Variants in RASGRF2 observed in about 807,000 individuals in gnomAD.
The protein encoded by RASGRF2 is ras-specific guanine nucleotide-releasing factor 2.
Under a neutral mutation model 151.0 loss-of-function variants are expected in RASGRF2, and 76 were observed. The ratio of observed to expected loss-of-function variants is 0.50; its 90% confidence interval spans 0.42 to 0.61. The LOEUF (loss-of-function observed/expected upper bound fraction) is 0.61, where lower values mean the gene tolerates loss of function less well. RASGRF2 is among the 20% of genes least tolerant of loss of function. The probability of loss-of-function intolerance (pLI) is 0.00; values close to 1 mark genes in which losing one functional copy is unlikely to be tolerated. For missense variants in RASGRF2, 1,148 were observed against 1,564.6 expected (o/e 0.73, Z 4.49); for synonymous variants, 504 against 566.5 (o/e 0.89, Z 1.57).
chr5:81,069,779 G>A (rs1751718137), intron 3 of RASGRF2, among the ~76,000 whole-genome samples: 1 of 152,322 alleles, frequency 6.6e-6, no homozygotes, highest in Non-Finnish European at 1.5e-5. Flanking sequence ...GGTATTGCTG[G>A]CTAGTAGGTC....
intron 1 of RASGRF2, among the ~76,000 whole-genome samples, chr5:81,033,731 G>C (rs1361587041): frequency 2.0e-5 from 3 of 152,178 alleles, no homozygotes; most frequent in Non-Finnish European, 2.9e-5. Flanking sequence ...TCAGGACATA[G>C]GCATGGGCAA....
At chr5:81,215,545 C>A (rs1755718447) in intron 23 of RASGRF2, among the ~76,000 whole-genome samples, 1 of 152,110 alleles carries the variant, frequency 6.6e-6, no homozygotes, top group African/African-American at 2.4e-5. Flanking sequence ...TGCTAGGATT[C>A]CAGGTGTGAC....
intron 18 of RASGRF2, among the ~76,000 whole-genome samples, chr5:81,198,929 A>G (rs1410978242): frequency 6.6e-6 from 1 of 152,250 alleles, no homozygotes; most frequent in Non-Finnish European, 1.5e-5. Context: ...GTATATACCC[A>G]GGGATTGCTG....
chr5:81,121,506 G>A (rs571682003), intron 15 of RASGRF2, among the ~76,000 whole-genome samples: 1 of 152,232 alleles, frequency 6.6e-6, no homozygotes, highest in African/African-American at 2.4e-5. Context: ...AAATTTTCTG[G>A]CAGGAGAACG....
chr5:81,172,896 C>T (rs931099860), intron 17 of RASGRF2, among the ~76,000 whole-genome samples: 1 of 152,034 alleles, frequency 6.6e-6, no homozygotes, highest in Non-Finnish European at 1.5e-5. Context: ...AAAGCCTTAC[C>T]CATCTTTTCT....
chr5:81,168,330 A>T lies in RASGRF2; in HGVS notation c.2687-11845A>T, dbSNP rs1196202226. ...TTCTCTTTTTTTTTTTTTTTTTTTA[A>T]GACAGAGTCTGGCTCTGTCGCCCAA... On this transcript the variant is annotated intron_variant, in intron 17 of 26. Transcript: ENST00000265080. Among the ~76,000 whole-genome samples the T allele has an allele frequency of 7.6e-3, 213 of 27,854 alleles. 2 individuals are homozygous for T. Among genetic ancestry groups the T allele is most frequent in the African/African-American group, 0.027 (203 of 7,452 alleles). 18.3% of individuals were successfully genotyped at this position (27,854 alleles called of 152,430 possible). A position where few individuals can be genotyped will look rare whatever the true frequency, so the allele number is the denominator to read the frequency against.
At chr5:81,103,694 A>G (rs1024337369) in intron 12 of RASGRF2, among the ~76,000 whole-genome samples, 2 of 152,028 alleles carry the variant, frequency 1.3e-5, no homozygotes, top group Admixed American at 6.6e-5. Flanking sequence ...AAAAAGAAAA[A>G]TCTCAAAAGG....
intron 1 of RASGRF2, among the ~76,000 whole-genome samples, chr5:80,986,217 A>T (rs1748468327): frequency 6.6e-6 from 1 of 152,224 alleles, no homozygotes; most frequent in African/African-American, 2.4e-5. Context: ...GGGAAATGTC[A>T]CTGGCAATAT....
chr5:81,178,895 C>T (rs1754847124), intron 17 of RASGRF2, among the ~76,000 whole-genome samples: 1 of 152,138 alleles, frequency 6.6e-6, no homozygotes, highest in Non-Finnish European at 1.5e-5. Flanking sequence ...CCCGCCACCA[C>T]GCCTGGCTAA....
chr5:81,055,146 A>G (rs1400029742), intron 2 of RASGRF2, among the ~76,000 whole-genome samples: 1 of 152,222 alleles, frequency 6.6e-6, no homozygotes, highest in Admixed American at 6.5e-5. Context: ...TGCCCTGGCC[A>G]GAACTTCCAA....
At chr5:81,080,886 G>A (rs1752067747) in intron 7 of RASGRF2, 97 bp downstream of exon 7, 7 of 1,121,882 alleles carry the variant, frequency 6.2e-6, no homozygotes, top group Non-Finnish European at 7.7e-6. Flanking sequence ...TGTGCCCTGG[G>A]AGGAATTATG....
rs1009544159 is a variant in RASGRF2 at position 81,084,785 on chromosome 5, G to A, written c.1162-1017G>A. On this transcript the variant is annotated intron_variant, in intron 7 of 26. Transcript: ENST00000265080. ...TGTTGTAGTTTCTTCATTCTCAAAG[G>A]TACTTTCAAGTGCTGAGTGAGACCT... Among the ~76,000 whole-genome samples, 3 of 152,256 alleles carry A rather than the reference G, an allele frequency of 2.0e-5. No individual in the cohort carries two copies. The East Asian group carries it at 5.8e-4, about 29-fold the overall frequency.
At chr5:81,141,128 C>A (rs777337495) in intron 17 of RASGRF2, among the ~76,000 whole-genome samples, 3 of 152,132 alleles carry the variant, frequency 2.0e-5, no homozygotes, top group Non-Finnish European at 4.4e-5. Flanking sequence ...GGCTGTGAGC[C>A]ACCAGTGTGT....
At chr5:81,064,335 A>G (rs948781792) in intron 2 of RASGRF2, among the ~76,000 whole-genome samples, 4 of 152,210 alleles carry the variant, frequency 2.6e-5, no homozygotes, top group African/African-American at 9.6e-5. Context: ...GCAAACCAGC[A>G]AGACAGCAAG....
intron 7 of RASGRF2, among the ~76,000 whole-genome samples, chr5:81,083,463 CCTT>C (rs975168849): frequency 3.3e-5 from 5 of 152,092 alleles, no homozygotes; most frequent in African/African-American, 9.7e-5. Context: ...TTGTCTTCCT[CCTT>C]CTCGGCCCTT....
intron 1 of RASGRF2, among the ~76,000 whole-genome samples, chr5:81,030,057 T>C (rs1422594628): frequency 6.6e-6 from 1 of 152,070 alleles, no homozygotes; most frequent in African/African-American, 2.4e-5. Flanking sequence ...GTATCAGTGA[T>C]TGAAGATCAA....
chr5:81,022,760 G>A (rs1290693951), intron 1 of RASGRF2, among the ~76,000 whole-genome samples: 2 of 152,084 alleles, frequency 1.3e-5, no homozygotes, highest in Non-Finnish European at 2.9e-5. Context: ...TTCGACCTTT[G>A]GGCTGTAATG....
At chr5:81,110,990 C>A (rs1752976887) in intron 13 of RASGRF2, among the ~76,000 whole-genome samples, 1 of 152,178 alleles carries the variant, frequency 6.6e-6, no homozygotes, top group Admixed American at 6.5e-5. Context: ...TTCAGGCCTG[C>A]AGATGAAGTA....
intron 5 of RASGRF2, among the ~76,000 whole-genome samples, chr5:81,074,444 C>T (rs1364944416): frequency 6.6e-6 from 1 of 152,200 alleles, no homozygotes; most frequent in Admixed American, 6.5e-5. Flanking sequence ...CAGCAGTTAG[C>T]AGTTGCACTG....
Sources: allele counts gnomAD v4.1 joint callset (sites outside exome capture counted in the v4.1 genomes callset), GRCh38; gene constraint gnomAD v4.1.1; transcripts MANE v1.5; gene names NCBI Gene and HGNC (gene_info 2026-07-23, HGNC 2026-07-21).